Variants in ATP8B1 observed in about 807,000 individuals in gnomAD.
ATP8B1 encodes the protein phospholipid-transporting ATPase IC.
A neutral mutation model predicts 149.9 loss-of-function variants in ATP8B1; 80 were observed. The ratio of observed to expected loss-of-function variants is 0.53; its 90% CI spans 0.45 to 0.64. The LOEUF (loss-of-function observed/expected upper bound fraction) is 0.64, where lower values mean the gene tolerates loss of function less well. Among genes scored for constraint, ATP8B1 ranks in the 30% least tolerant of loss-of-function variants. ATP8B1 has a pLI of 0.00. For synonymous variants in ATP8B1, 536 were observed against 562.8 expected, an observed-to-expected ratio of 0.95 and a Z score of 0.67; for missense variants, 1,247 against 1,552.6, an observed-to-expected ratio of 0.80 and a Z score of 3.31.
chr18:57,703,463 A>C (rs1035236598), intron 4 of ATP8B1, among the ~76,000 whole-genome samples: 3 of 151,272 alleles, frequency 2.0e-5, no homozygotes, highest in Non-Finnish European at 4.4e-5. Flanking sequence ...CCAGCTACTC[A>C]GGGGGCTGAG....
intron 1 of ATP8B1, among the ~76,000 whole-genome samples, chr18:57,746,621 C>G (rs1402780900): frequency 6.6e-6 from 1 of 151,632 alleles, no homozygotes; most frequent in Non-Finnish European, 1.5e-5. Flanking sequence ...AATTACAGGT[C>G]TATGTCACCA....
chr18:57,725,272 A>G (rs1427138144), intron 2 of ATP8B1, among the ~76,000 whole-genome samples: 5 of 150,390 alleles, frequency 3.3e-5, no homozygotes, highest in Admixed American at 6.6e-5. Flanking sequence ...GAAAAAAAAT[A>G]ATCCCATTTA....
rs182056166 is a variant in ATP8B1, at chr18:57,754,715, C to T, written c.-25-22883G>A. Among the ~76,000 whole-genome samples, 12 of 152,238 alleles carry T rather than the reference C, an allele frequency of 7.9e-5. No individual in the cohort carries two copies. In the East Asian group the frequency reaches 9.6e-4, roughly 12 times the overall value. ...ACAGCTGAGAAGTTACTACAGCCCA[C>T]GCCGGGGCTCAAATTTACTTTCGTG... is the stretch of plus-strand genomic sequence containing the variant. On this transcript the variant is annotated intron_variant, in intron 1 of 27. Coordinates refer to ENST00000648908, the MANE Select transcript of ATP8B1 (RefSeq NM_001374385.1).
At chr18:57,756,280 CAT>C (rs1357333124) in intron 1 of ATP8B1, among the ~76,000 whole-genome samples, 37 of 38,516 alleles carry the variant, frequency 9.6e-4, no homozygotes, top group Middle Eastern at 0.026. Flanking sequence ...ATTTACACAA[CAT>C]ATATATGTGT....
chr18:57,706,169 T>G (rs1341556156), intron 3 of ATP8B1, among the ~76,000 whole-genome samples: 5 of 152,198 alleles, frequency 3.3e-5, no homozygotes, highest in African/African-American at 1.2e-4. Context: ...AGAGATTCCT[T>G]TCAAACTCAT....
At chr18:57,796,373 CA>C (rs1233229196) in intron 1 of ATP8B1, among the ~76,000 whole-genome samples, 1 of 152,120 alleles carries the variant, frequency 6.6e-6, no homozygotes, top group Non-Finnish European at 1.5e-5. Context: ...TTGCTGGGTG[CA>C]GTGGCACATG....
chr18:57,697,498 C>A, intron 8 of ATP8B1, 120 bp downstream of exon 8: 1 of 1,004,980 alleles, frequency 1.0e-6, no homozygotes, highest in Non-Finnish European at 1.6e-6. Context: ...GTAGGGACAG[C>A]AGCAGGTGGC....
At chr18:57,672,184 A>G (rs1325405870) in intron 16 of ATP8B1, among the ~76,000 whole-genome samples, 4 of 152,142 alleles carry the variant, frequency 2.6e-5, no homozygotes, top group Non-Finnish European at 5.9e-5. Context: ...GCCATGTTCT[A>G]GTTACTTTCT....
intron 20 of ATP8B1, among the ~76,000 whole-genome samples, chr18:57,666,533 G>GTT (rs5825232): frequency 6.9e-6 from 1 of 144,044 alleles, no homozygotes. Context: ...GGTGAACCGA[G>GTT]TTTTTTTTTT....
At chr18:57,724,400 A>C in intron 2 of ATP8B1, among the ~76,000 whole-genome samples, 1 of 141,208 alleles carries the variant, frequency 7.1e-6, no homozygotes, top group Non-Finnish European at 1.6e-5. Context: ...AAACAAATTT[A>C]CAAGAAAAAA....
intron 1 of ATP8B1, among the ~76,000 whole-genome samples, chr18:57,733,857 A>G (rs2079817688): frequency 6.7e-6 from 1 of 150,296 alleles, no homozygotes; most frequent in Admixed American, 6.8e-5. Flanking sequence ...TTTTGCACCA[A>G]ATCTTAGATC....
At chr18:57,682,003 T>G (rs1037170099) in intron 15 of ATP8B1, among the ~76,000 whole-genome samples, 2 of 130,044 alleles carry the variant, frequency 1.5e-5, no homozygotes, top group Non-Finnish European at 3.3e-5. Flanking sequence ...AGGGACTTTG[T>G]GTTATTTTTT....
intron 1 of ATP8B1, among the ~76,000 whole-genome samples, chr18:57,748,652 G>A (rs1419103219): frequency 6.6e-6 from 1 of 152,146 alleles, no homozygotes; most frequent in Non-Finnish European, 1.5e-5. Context: ...GTTACTTAAT[G>A]TCTTTAAATT....
intron 1 of ATP8B1, among the ~76,000 whole-genome samples, chr18:57,801,054 AAAAC>A (rs2080568227): frequency 6.6e-6 from 1 of 152,242 alleles, no homozygotes; most frequent in Admixed American, 6.5e-5. Context: ...TATTGAACAA[AAAAC>A]AAAACAAAAC....
intron 2 of ATP8B1, among the ~76,000 whole-genome samples, chr18:57,717,870 G>A (rs981353688): frequency 6.6e-6 from 1 of 151,268 alleles, no homozygotes; most frequent in Non-Finnish European, 1.5e-5. Context: ...TGAGTAGCTA[G>A]GAGTAGCCAG....
intron 2 of ATP8B1, among the ~76,000 whole-genome samples, chr18:57,706,833 G>A (rs116487783): frequency 1.6e-4 from 25 of 152,322 alleles, no homozygotes; most frequent in African/African-American, 6.0e-4. Flanking sequence ...GATGGAAGAC[G>A]ATGCGAAGTC....
chr18:57,667,100 C>T lies in ATP8B1; in HGVS notation c.2277G>A (p.Glu759=). ...TGCAGGCTTTTACTCACTTAATATC[C>T]TCCCCATAGCAGATGGTGGTGTCTT... ...LTEDTTICYG[E]DINSLLHARM... is the part of the protein sequence containing the mutation. The change falls in exon 20 of 28, where the codon GAG becomes GAA. Residue 759 remains glutamate, a synonymous_variant. Transcript: ENST00000648908. 1 of 1,611,770 alleles carries T rather than the reference C, an allele frequency of 6.2e-7. No individual in the cohort carries two copies. Among genetic ancestry groups the T allele is most frequent in the Non-Finnish European group, 8.5e-7 (1 of 1,177,818 alleles).
At chr18:57,745,943 G>A (rs2079960065) in intron 1 of ATP8B1, among the ~76,000 whole-genome samples, 1 of 152,160 alleles carries the variant, frequency 6.6e-6, no homozygotes, top group Non-Finnish European at 1.5e-5. Flanking sequence ...TGATATGCAT[G>A]AGCCACCACG....
At chr18:57,759,173 A>G (rs964281176) in intron 1 of ATP8B1, among the ~76,000 whole-genome samples, 3 of 149,414 alleles carry the variant, frequency 2.0e-5, no homozygotes, top group East Asian at 1.9e-4. Context: ...AAAAAAAAAA[A>G]AAAAAAAAAG....
Sources: allele counts gnomAD v4.1 joint callset (sites outside exome capture counted in the v4.1 genomes callset), GRCh38; gene constraint gnomAD v4.1.1; transcripts MANE v1.5; gene names NCBI Gene and HGNC (gene_info 2026-07-23, HGNC 2026-07-21).